The following ADAM19 variants were observed in gnomAD, a reference collection of about 807,000 sequenced individuals.
ADAM19 encodes ADAM metallopeptidase domain 19.
A neutral mutation model predicts 114.7 loss-of-function variants in ADAM19; 65 were observed. The observed-to-expected ratio is 0.57, with a 90% confidence interval of 0.46 to 0.70. The LOEUF is 0.70. Ranked by LOEUF, ADAM19 falls within the 30% of genes least tolerant of loss-of-function variation. ADAM19 has a pLI of 0.00. For missense variants in ADAM19, 1,063 were observed against 1,204.7 expected, an observed-to-expected ratio of 0.88 and a Z score of 1.74; for synonymous variants, 466 against 460.5, an observed-to-expected ratio of 1.01 and a Z score of -0.15.
chr5:157,557,994 T>C (rs1032819397), intron 3 of ADAM19, among the ~76,000 whole-genome samples: 1 of 152,162 alleles, frequency 6.6e-6, no homozygotes, highest in South Asian at 2.1e-4. Flanking sequence ...TGGCTGGCAA[T>C]CCATTTGTTC....
intron 3 of ADAM19, among the ~76,000 whole-genome samples, chr5:157,550,329 C>T (rs993371964): frequency 2.6e-5 from 4 of 152,178 alleles, no homozygotes; most frequent in Non-Finnish European, 5.9e-5. Flanking sequence ...GGCATTCTCC[C>T]AGAGTGTGTG....
chr5:157,518,664 G>A lies in ADAM19; in HGVS notation c.666+159C>T, dbSNP rs376295243. Among the ~76,000 whole-genome samples, 12 of 152,378 alleles carry A rather than the reference G, an allele frequency of 7.9e-5. No homozygotes were observed. The South Asian group carries it at 1.9e-3, about 24-fold the overall frequency. The stretch of plus-strand genomic sequence containing the variant: ...CACCCAAAGTGCTGGGATTACAGGC[G>A]TGAGCCGCCGCGCCCAGCCTTTGGT... On this transcript the variant is annotated intron_variant, in intron 7 of 22. Coordinates refer to ENST00000257527, the MANE Select transcript of ADAM19 (RefSeq NM_033274.5).
chr5:157,525,030 G>A (rs1184977983), intron 5 of ADAM19, among the ~76,000 whole-genome samples: 3 of 152,212 alleles, frequency 2.0e-5, no homozygotes, highest in Non-Finnish European at 4.4e-5. Context: ...CAAGGAGTTT[G>A]CACTCCTCAC....
rs1754719443 is a variant in ADAM19, at chr5:157,480,695, T to C, written c.*254A>G. The C allele has an allele frequency of 1.5e-6, 2 of 1,305,134 alleles. No homozygotes were observed. Among genetic ancestry groups the C allele is most frequent in the East Asian group, 6.5e-5 (2 of 30,578 alleles). 80.8% of individuals were successfully genotyped at this position (1,305,134 alleles called of 1,614,324 possible). ...AAGCTGCCAGTCACCCTCCTCATACTCTCCCCTCCCTACCTGGGGCTGTAT... is the reference window on the plus strand; with the variant it reads ...AAGCTGCCAGTCACCCTCCTCATACCCTCCCCTCCCTACCTGGGGCTGTAT... On this transcript the variant is annotated 3_prime_UTR_variant, in exon 23 of 23. Transcript: ENST00000257527.
intron 3 of ADAM19, among the ~76,000 whole-genome samples, chr5:157,538,440 A>T (rs767219053): frequency 6.6e-6 from 1 of 152,194 alleles, no homozygotes; most frequent in Non-Finnish European, 1.5e-5. Flanking sequence ...TTTTGGTGAG[A>T]TTGTCAATCA....
chr5:157,520,744 C>T (rs1348503334), intron 5 of ADAM19, among the ~76,000 whole-genome samples: 1 of 152,206 alleles, frequency 6.6e-6, no homozygotes, highest in Non-Finnish European at 1.5e-5. Flanking sequence ...GTCCCACCTG[C>T]CCCACGTCAG....
intron 16 of ADAM19, among the ~76,000 whole-genome samples, chr5:157,492,670 A>G (rs563224186): frequency 9.9e-5 from 15 of 152,278 alleles, no homozygotes; most frequent in African/African-American, 3.6e-4. Flanking sequence ...AGTCTGTGCT[A>G]TTATTTTGCT....
At chr5:157,488,540 G>C in intron 20 of ADAM19, 51 bp from the exon 21 acceptor site, 1 of 1,420,190 alleles carries the variant, frequency 7.0e-7, no homozygotes, top group Non-Finnish European at 9.6e-7. Flanking sequence ...CTCAGGGCTG[G>C]CCTTGTGTGT....
intron 5 of ADAM19, among the ~76,000 whole-genome samples, chr5:157,526,955 A>G (rs1756482156): frequency 6.6e-6 from 1 of 152,088 alleles, no homozygotes; most frequent in Admixed American, 6.5e-5. Context: ...ATAGCTTCCA[A>G]TCAATTCTCA....
intron 10 of ADAM19, 30 bp downstream of exon 10, chr5:157,507,026 T>C (rs889898039): frequency 6.3e-7 from 1 of 1,594,564 alleles, no homozygotes; most frequent in African/African-American, 1.3e-5. Flanking sequence ...CAGCGCCTTC[T>C]GCAGCGCACA....
At chr5:157,492,453 G>A (rs555746536) in intron 16 of ADAM19, among the ~76,000 whole-genome samples, 3 of 152,210 alleles carry the variant, frequency 2.0e-5, no homozygotes, top group African/African-American at 7.2e-5. Context: ...TATTGTTAAA[G>A]TATCATATTT....
intron 19 of ADAM19, among the ~76,000 whole-genome samples, chr5:157,489,659 A>G (rs1313662487): frequency 1.3e-5 from 2 of 152,236 alleles, no homozygotes; most frequent in Non-Finnish European, 2.9e-5. Context: ...CTTATACCAG[A>G]TGAAACAAAC....
chr5:157,519,070 T>C (rs7702683), intron 6 of ADAM19, among the ~76,000 whole-genome samples, 182 bp from the exon 7 acceptor site: 1 of 152,140 alleles, frequency 6.6e-6, no homozygotes, highest in Admixed American at 6.5e-5. Flanking sequence ...CCACTGCCAT[T>C]TGGTTATTGC....
chr5:157,523,849 G>A (rs1756378716), intron 5 of ADAM19, among the ~76,000 whole-genome samples: 1 of 152,186 alleles, frequency 6.6e-6, no homozygotes, highest in Admixed American at 6.5e-5. Context: ...ACCACCCTCT[G>A]TAGCAGGCAC....
At chr5:157,504,162 T>C (rs1755660277) in intron 11 of ADAM19, among the ~76,000 whole-genome samples, 2 of 152,194 alleles carry the variant, frequency 1.3e-5, no homozygotes, top group Admixed American at 6.5e-5. Flanking sequence ...GCTTTTTAGA[T>C]TGAGAGAGAA....
At chr5:157,535,413 A>G (rs1449674272) in intron 4 of ADAM19, among the ~76,000 whole-genome samples, 1 of 152,234 alleles carries the variant, frequency 6.6e-6, no homozygotes, top group Non-Finnish European at 1.5e-5. Flanking sequence ...ATTCGGGTCA[A>G]GGGCAGCTGA....
At chr5:157,560,828 A>G (rs1243356712) in intron 3 of ADAM19, among the ~76,000 whole-genome samples, 1 of 152,258 alleles carries the variant, frequency 6.6e-6, no homozygotes, top group African/African-American at 2.4e-5. Flanking sequence ...ATGTTTTACA[A>G]TGAGCATGCT....
chr5:157,551,071 T>G (rs1033367219), intron 3 of ADAM19, among the ~76,000 whole-genome samples: 1 of 152,064 alleles, frequency 6.6e-6, no homozygotes, highest in Non-Finnish European at 1.5e-5. Flanking sequence ...TATCTCTCAT[T>G]GTATACAAAA....
chr5:157,480,084 C>G lies in ADAM19; in HGVS notation c.*865G>C. On this transcript the variant is annotated 3_prime_UTR_variant, in exon 23 of 23. Coordinates refer to ENST00000257527, the MANE Select transcript of ADAM19 (RefSeq NM_033274.5). ...CACAAGCACCTGGTCACCCGAAGGTCAGGACTGCTGAGGGTTTGCTCACCA... is the reference window on the plus strand; with the variant it reads ...CACAAGCACCTGGTCACCCGAAGGTGAGGACTGCTGAGGGTTTGCTCACCA... 1 of 985,916 alleles carries G rather than the reference C, an allele frequency of 1.0e-6. No homozygotes were observed. The highest frequency in any genetic ancestry group is 1.7e-5 in the African/African-American group (1 of 57,308). The allele number at this position is 985,916 out of a possible 1,614,324, so 61.1% of individuals were successfully genotyped here.
Sources: gnomAD v4.1 joint callset for allele counts (sites outside exome capture counted in the v4.1 genomes callset) on GRCh38, gnomAD v4.1.1 for gene constraint, MANE v1.5 for transcripts, NCBI Gene and HGNC (gene_info 2026-07-23, HGNC 2026-07-21) for gene names.